SUGT1: variants seen among roughly 807,000 people sequenced by gnomAD.
The protein encoded by SUGT1 is SGT1 assembly cochaperone of MIS12 kinetochore complex, also known as protein SGT1 homolog.
In SUGT1, 15 loss-of-function variants were observed where a neutral mutation model predicts 56.1. The ratio of observed to expected loss-of-function variants is 0.27; its 90% CI spans 0.18 to 0.41. The LOEUF (loss-of-function observed/expected upper bound fraction) is 0.41. Ranked by LOEUF, SUGT1 falls within the 10% of genes least tolerant of loss-of-function variation. The probability of loss-of-function intolerance (pLI) is 1.00; values close to 1 mark genes in which losing one functional copy is unlikely to be tolerated. For missense variants in SUGT1, 347 were observed against 382.2 expected, an observed-to-expected ratio of 0.91 and a Z score of 0.77; for synonymous variants, 123 against 128.6, an observed-to-expected ratio of 0.96 and a Z score of 0.30.
At chr13:52,675,050 C>T (rs1963089130) in intron 10 of SUGT1, among the ~76,000 whole-genome samples, 1 of 152,058 alleles carries the variant, frequency 6.6e-6, no homozygotes, top group South Asian at 2.1e-4. Context: ...ATGCAGTGTC[C>T]TTTCATACCC....
At chr13:52,685,958 C>T (rs2138178883) in intron 12 of SUGT1, among the ~76,000 whole-genome samples, 1 of 152,284 alleles carries the variant, frequency 6.6e-6, no homozygotes, top group South Asian at 2.1e-4. Context: ...GAGAGAGTTT[C>T]ACTCTGTCAC....
intron 10 of SUGT1, among the ~76,000 whole-genome samples, chr13:52,667,828 A>T (rs1043668127): frequency 6.6e-6 from 1 of 152,206 alleles, no homozygotes; most frequent in Admixed American, 6.5e-5. Context: ...CAAAATGACT[A>T]TAAGACTGAA....
At chr13:52,666,752 G>T in intron 9 of SUGT1, 60 bp from the exon 10 acceptor site, 3 of 1,088,200 alleles carry the variant, frequency 2.8e-6, no homozygotes, top group Non-Finnish European at 4.2e-6. Flanking sequence ...ATTTTGTGTA[G>T]GTTTTTTACC....
In SUGT1 at chr13:52,690,195, T is replaced by C. The variant is rs1282442103; in HGVS notation, c.*2360T>C. 3 of 152,174 alleles carry C rather than the reference T, an allele frequency of 2.0e-5. No homozygotes were observed. The East Asian group carries it at 5.8e-4, about 29-fold the overall frequency. 9.4% of individuals were successfully genotyped at this position (152,174 alleles called of 1,614,324 possible). The stretch of plus-strand genomic sequence containing the variant: ...GTCAAGGGAATTTTGAAAAGTAGGC[T>C]AGATTGCTGCCTAAGAATCCCACTC... On this transcript the variant is annotated 3_prime_UTR_variant, in exon 13 of 13. Transcript: ENST00000310528.
chr13:52,685,541 A>C (rs914947989), intron 12 of SUGT1, among the ~76,000 whole-genome samples: 4 of 152,172 alleles, frequency 2.6e-5, no homozygotes, highest in Admixed American at 6.5e-5. Flanking sequence ...GGTAGACAAA[A>C]TTAGCAGTAT....
At chr13:52,672,513 A>C (rs1962984919) in intron 10 of SUGT1, among the ~76,000 whole-genome samples, 1 of 152,230 alleles carries the variant, frequency 6.6e-6, no homozygotes, top group African/African-American at 2.4e-5. Context: ...TAGATGTATT[A>C]GTCTGGGCTC....
At chr13:52,666,513 G>GT (rs1332557469) in intron 9 of SUGT1, among the ~76,000 whole-genome samples, 1 of 152,040 alleles carries the variant, frequency 6.6e-6, no homozygotes, top group Non-Finnish European at 1.5e-5. Context: ...TTTTGCTTTT[G>GT]TATGTTTTCT....
In SUGT1 at chr13:52,659,214, C is replaced by A; in HGVS notation, c.293C>A (p.Ala98Asp). ...TACCATGAAAAAAACTATGCTGCTG[C>A]CCTAGAAACTTTTACAGAAGGACAA... Reference protein sequence around the residue: ...CEYHEKNYAAALETFTEGQKL... With the variant: ...CEYHEKNYAADLETFTEGQKL... The change falls in exon 5 of 13, where the codon GCC becomes GAC. Residue 98 changes from alanine (A) to aspartate (D), a missense_variant. Transcript: ENST00000310528. The A allele has an allele frequency of 6.7e-7, 1 of 1,481,496 alleles. No individual in the cohort carries two copies. Among genetic ancestry groups the A allele is most frequent in the East Asian group, 2.6e-5 (1 of 37,740 alleles). The allele number at this position is 1,481,496 out of a possible 1,614,324, so 91.8% of individuals were successfully genotyped here. A position where few individuals can be genotyped will look rare whatever the true frequency, so the allele number is the denominator to read the frequency against.
At position 52,692,006 on chromosome 13, in the gene SUGT1, CTT is replaced by C. The variant is rs1436249790; in HGVS notation, c.*4172_*4173del. 2 of 152,180 alleles carry C rather than the reference CTT, an allele frequency of 1.3e-5. No individual in the cohort carries two copies. The highest frequency in any genetic ancestry group is 2.9e-5 in the Non-Finnish European group (2 of 68,034). The allele number at this position is 152,180 out of a possible 1,614,324, so 9.4% of individuals were successfully genotyped here. On this transcript the variant is annotated 3_prime_UTR_variant, in exon 13 of 13. Transcript: ENST00000310528. ...ATTGGTTTCTGAGATTAATTTAACTCTTAGCCTCACTTCCTACCTTAGTAAAG... is the reference window on the plus strand; with the variant it reads ...ATTGGTTTCTGAGATTAATTTAACTCAGCCTCACTTCCTACCTTAGTAAAG...
intron 2 of SUGT1, among the ~76,000 whole-genome samples, chr13:52,654,312 A>G (rs567877901): frequency 9.0e-4 from 137 of 152,356 alleles, no homozygotes; most frequent in African/African-American, 2.8e-3. Context: ...CTAGACAGCT[A>G]TGACTTTTAA....
intron 10 of SUGT1, among the ~76,000 whole-genome samples, chr13:52,668,331 A>G (rs1251078960): frequency 6.6e-6 from 1 of 152,082 alleles, no homozygotes; most frequent in Non-Finnish European, 1.5e-5. Context: ...GTTAGTATTT[A>G]TTAGGTTGAA....
intron 2 of SUGT1, among the ~76,000 whole-genome samples, chr13:52,656,239 C>CA (rs1962163456): frequency 6.6e-6 from 1 of 152,188 alleles, no homozygotes; most frequent in Admixed American, 6.5e-5. Context: ...TACTGGATGT[C>CA]ACATACAGAT....
chr13:52,662,789 C>G, intron 6 of SUGT1, 87 bp downstream of exon 6: 1 of 1,365,914 alleles, frequency 7.3e-7, no homozygotes, highest in Non-Finnish European at 1.0e-6. Flanking sequence ...TTGTTTTTAT[C>G]TTTATAATTT....
chr13:52,669,925 A>C (rs1962863135), intron 10 of SUGT1, among the ~76,000 whole-genome samples: 1 of 152,214 alleles, frequency 6.6e-6, no homozygotes, highest in Non-Finnish European at 1.5e-5. Flanking sequence ...TGGACACTTA[A>C]GAGACAACAG....
chr13:52,673,785 A>G (rs929203668), intron 10 of SUGT1, among the ~76,000 whole-genome samples: 3 of 152,238 alleles, frequency 2.0e-5, no homozygotes, highest in Non-Finnish European at 4.4e-5. Context: ...TGAAAATTAA[A>G]GAAGATGCAA....
intron 10 of SUGT1, among the ~76,000 whole-genome samples, chr13:52,669,104 C>G (rs1382310483): frequency 6.6e-6 from 1 of 152,136 alleles, no homozygotes; most frequent in African/African-American, 2.4e-5. Flanking sequence ...CCTTTTCTGC[C>G]CCTTCCTCTT....
Position 52,666,801 on chromosome 13 carries a change from G to T in SUGT1, c.520-11G>T, listed in dbSNP as rs750240902. On this transcript the variant is annotated splice_polypyrimidine_tract_variant and intron_variant, in intron 9 of 12. Coordinates refer to ENST00000310528, the MANE Select transcript of SUGT1 (RefSeq NM_006704.5). ...ATTTACAAAATGTGATGCTAATTTT[G>T]TGTTCATTAGTTGTCTGCTTTGGTT... 3.5e-5 allele frequency: 55 copies of T among 1,585,624 alleles called. No individual in the cohort carries two copies. The highest frequency in any genetic ancestry group is 4.8e-5 in the Non-Finnish European group (55 of 1,155,946).
At chr13:52,654,772 C>T (rs1034888580) in intron 2 of SUGT1, among the ~76,000 whole-genome samples, 4 of 152,186 alleles carry the variant, frequency 2.6e-5, no homozygotes, top group South Asian at 2.1e-4. Flanking sequence ...GTAGTTCTTT[C>T]GCATTGCTGT....
chr13:52,667,343 T>A (rs1405288131), intron 10 of SUGT1, among the ~76,000 whole-genome samples: 4 of 151,908 alleles, frequency 2.6e-5, no homozygotes, highest in Non-Finnish European at 5.9e-5. Flanking sequence ...CTGCCTTTTG[T>A]TTTTTTTGTT....
Sources: gnomAD v4.1 joint callset for allele counts (sites outside exome capture counted in the v4.1 genomes callset) on GRCh38, gnomAD v4.1.1 for gene constraint, MANE v1.5 for transcripts, NCBI Gene and HGNC (gene_info 2026-07-23, HGNC 2026-07-21) for gene names.